Variants in RNF17 observed in about 807,000 individuals in gnomAD.
The protein encoded by RNF17 is ring finger protein 17, also known as spermatogenesis associated 23.
A neutral mutation model predicts 200.5 loss-of-function variants in RNF17; 31 were observed. The ratio of observed to expected loss-of-function variants is 0.15; its 90% CI spans 0.12 to 0.21. RNF17 has a LOEUF of 0.21. Ranked by LOEUF, RNF17 falls within the 10% of genes least tolerant of loss-of-function variation. RNF17 has a pLI of 1.00. For missense variants in RNF17, 1,628 were observed against 1,905.1 expected (o/e 0.85, Z 2.71); for synonymous variants, 606 against 637.8 (o/e 0.95, Z 0.75).
intron 15 of RNF17, among the ~76,000 whole-genome samples, chr13:24,825,299 G>A (rs1450381080): frequency 6.6e-6 from 1 of 150,720 alleles, no homozygotes; most frequent in Non-Finnish European, 1.5e-5. Flanking sequence ...ATAGAAAAAT[G>A]TAAGTGATTG....
upstream of RNF17, chr13:24,764,006 G>C: frequency 2.2e-6 from 1 of 452,384 alleles, no homozygotes; most frequent in Non-Finnish European, 4.0e-6. Flanking sequence ...ACGGCCACAA[G>C]GCGCCCCTTC....
chr13:24,888,035 G>A, the RNF17 span, among the ~76,000 whole-genome samples: 2 of 152,144 alleles, frequency 1.3e-5, no homozygotes, highest in African/African-American at 4.8e-5. Flanking sequence ...GTGGTAACCC[G>A]AGTATTTGCT....
At chr13:24,829,311 C>T (rs1207115073) in intron 16 of RNF17, among the ~76,000 whole-genome samples, 1 of 152,134 alleles carries the variant, frequency 6.6e-6, no homozygotes, top group Admixed American at 6.5e-5. Flanking sequence ...AAATTTGAGA[C>T]CTTCCATGTC....
At chr13:24,835,366 T>G (rs1320486657) in intron 18 of RNF17, among the ~76,000 whole-genome samples, 1 of 152,112 alleles carries the variant, frequency 6.6e-6, no homozygotes, top group African/African-American at 2.4e-5. Flanking sequence ...GGAGGCCAAC[T>G]GGCACAAAAA....
intron 2 of RNF17, among the ~76,000 whole-genome samples, chr13:24,768,532 C>T (rs1226523783): frequency 6.6e-6 from 1 of 152,172 alleles, no homozygotes; most frequent in African/African-American, 2.4e-5. Context: ...GATCCGCCCA[C>T]CTCGGCCTCC....
intron 8 of RNF17, 28 bp downstream of exon 8, chr13:24,789,452 TA>T: frequency 7.0e-7 from 1 of 1,429,708 alleles, no homozygotes; most frequent in Non-Finnish European, 9.8e-7. Context: ...CAGGAGACCA[TA>T]ACAAGTATAA....
At position 24,802,447 on chromosome 13, in the gene RNF17, A is replaced by T. The variant is rs140977461; in HGVS notation, c.1825A>T (p.Met609Leu). ...LKMVNNKAVS[M>L]KVFREEDGVL... ...AATGGTAAATAACAAGGCTGTTTCA[A>T]TGAAAGTTTTTAGAGAAGAAGATGG... The change falls in exon 14 of 36, where the codon ATG becomes TTG. Residue 609 changes from methionine to leucine, a missense_variant. By Grantham distance (15) the Met-to-Leu change is conservative. Transcript: ENST00000255324. 109 of 1,613,852 alleles carry T rather than the reference A, an allele frequency of 6.8e-5. No individual in the cohort carries two copies. In the African/African-American group the frequency reaches 1.3e-3, roughly 19 times the overall value.
chr13:24,850,526 TAGC>T (rs1164015558), intron 23 of RNF17, 83 bp downstream of exon 23: 11 of 913,914 alleles, frequency 1.2e-5, no homozygotes, highest in South Asian at 9.0e-5. Flanking sequence ...GTAGAGAAAA[TAGC>T]AGCCAACTAT....
At chr13:24,766,323 C>CAAA (rs1879687740) in intron 1 of RNF17, among the ~76,000 whole-genome samples, 1 of 152,150 alleles carries the variant, frequency 6.6e-6, no homozygotes. Flanking sequence ...TTTCCCTTTT[C>CAAA]AGTTTTCTTG....
At chr13:24,823,899 C>T (rs1888357279) in intron 15 of RNF17, among the ~76,000 whole-genome samples, 1 of 152,196 alleles carries the variant, frequency 6.6e-6, no homozygotes, top group African/African-American at 2.4e-5. Flanking sequence ...GTTCTTCCTG[C>T]CTGTGTTCCA....
upstream of RNF17, among the ~76,000 whole-genome samples, chr13:24,763,615 A>G (rs1420993622): frequency 1.3e-5 from 2 of 152,078 alleles, no homozygotes; most frequent in South Asian, 2.1e-4. Context: ...GTATCTCTCA[A>G]GCAGAAACCT....
In RNF17 at chr13:24,842,032, G is replaced by T; in HGVS notation, c.2483-9G>T. Reference sequence around the variant, plus strand: ...TTTCTTTCCCCAAACTTTCTTAATGGTTTTACAGAAATTCTGGAAGATAAT... The same window carrying T: ...TTTCTTTCCCCAAACTTTCTTAATGTTTTTACAGAAATTCTGGAAGATAAT... On this transcript the variant is annotated splice_polypyrimidine_tract_variant and intron_variant, in intron 18 of 35. Transcript: ENST00000255324. The T allele has an allele frequency of 6.3e-7, 1 of 1,590,224 alleles. No homozygotes were observed. Among genetic ancestry groups the T allele is most frequent in the South Asian group, 1.2e-5 (1 of 86,026 alleles).
intron 27 of RNF17, 41 bp downstream of exon 27, chr13:24,861,428 T>C: frequency 8.0e-7 from 1 of 1,253,198 alleles, no homozygotes. Flanking sequence ...ATTTTAAATA[T>C]TAGTTTTTAT....
chr13:24,777,433 T>G (rs1005189339), intron 3 of RNF17, among the ~76,000 whole-genome samples: 11 of 152,160 alleles, frequency 7.2e-5, no homozygotes, highest in African/African-American at 2.4e-4. Flanking sequence ...TTTGGGTGGC[T>G]GAGGTGGGAG....
chr13:24,881,281 C>T (rs151038156), downstream of RNF17, among the ~76,000 whole-genome samples: 1 of 152,112 alleles, frequency 6.6e-6, no homozygotes, highest in East Asian at 1.9e-4. Context: ...GCTGGGATTA[C>T]AGGCATGCAC....
intron 15 of RNF17, among the ~76,000 whole-genome samples, chr13:24,818,678 C>T (rs1156771286): frequency 6.6e-6 from 1 of 152,020 alleles, no homozygotes; most frequent in Admixed American, 6.6e-5. Context: ...TCTGTTTTGC[C>T]TGATACCACC....
At chr13:24,862,886 G>A (rs757070054) in intron 28 of RNF17, 93 bp downstream of exon 28, 8 of 673,876 alleles carry the variant, frequency 1.2e-5, no homozygotes, top group African/African-American at 1.8e-5. Flanking sequence ...ATAAGCAATG[G>A]TATATACCTT....
At chr13:24,828,607 T>C (rs944419939) in intron 16 of RNF17, among the ~76,000 whole-genome samples, 1 of 151,874 alleles carries the variant, frequency 6.6e-6, no homozygotes, top group Non-Finnish European at 1.5e-5. Context: ...TTTTTCTCTT[T>C]TCTATAGTTG....
chr13:24,873,451 TTGTG>T (rs1266867804), intron 32 of RNF17, among the ~76,000 whole-genome samples: 1 of 152,212 alleles, frequency 6.6e-6, no homozygotes, highest in African/African-American at 2.4e-5. Flanking sequence ...TGATACATAA[TTGTG>T]TATGTTTATG....
Sources: gnomAD v4.1 joint callset for allele counts (sites outside exome capture counted in the v4.1 genomes callset) on GRCh38, gnomAD v4.1.1 for gene constraint, MANE v1.5 for transcripts, NCBI Gene and HGNC (gene_info 2026-07-23, HGNC 2026-07-21) for gene names.